Variants in SEMA6A observed in about 807,000 individuals in gnomAD.
The protein encoded by SEMA6A is semaphorin-6A.
SEMA6A carries 25 observed loss-of-function variants against 96.8 expected under a neutral mutation model. The ratio of observed to expected loss-of-function variants is 0.26; its 90% CI spans 0.19 to 0.36. SEMA6A has a LOEUF of 0.36. SEMA6A is among the 10% of genes least tolerant of loss of function. SEMA6A has a pLI of 1.00. For synonymous variants in SEMA6A, 612 were observed against 518.0 expected (o/e 1.18, Z -2.46); for missense variants, 1,363 against 1,323.1 (o/e 1.03, Z -0.47).
chr5:116,543,848 C>G (rs997879743), intron 1 of SEMA6A, among the ~76,000 whole-genome samples: 3 of 152,202 alleles, frequency 2.0e-5, no homozygotes, highest in Non-Finnish European at 4.4e-5. Flanking sequence ...TAAATTGATG[C>G]CAAAACTAGC....
intron 6 of SEMA6A, among the ~76,000 whole-genome samples, chr5:116,493,408 CCT>C (rs1156456052): frequency 1.3e-5 from 2 of 152,130 alleles, no homozygotes; most frequent in Non-Finnish European, 2.9e-5. Flanking sequence ...AGACTGGCTA[CCT>C]CTATTATAAA....
intron 1 of SEMA6A, among the ~76,000 whole-genome samples, chr5:116,519,045 A>ATG (rs1266204225): frequency 6.6e-6 from 1 of 152,188 alleles, no homozygotes; most frequent in East Asian, 1.9e-4. Flanking sequence ...GAATAGGCAG[A>ATG]TGTGTTCTTC....
At chr5:116,560,206 T>A (rs1251357897) in intron 1 of SEMA6A, among the ~76,000 whole-genome samples, 2 of 152,188 alleles carry the variant, frequency 1.3e-5, no homozygotes, top group African/African-American at 2.4e-5. Flanking sequence ...CAGCCTGACC[T>A]CCCAGCTGGA....
chr5:116,496,207 C>A, intron 5 of SEMA6A, 44 bp downstream of exon 5: 1 of 1,551,394 alleles, frequency 6.4e-7, no homozygotes, highest in Non-Finnish European at 8.9e-7. Context: ...CAGTCAAAAA[C>A]TTAACCCAAA....
chr5:116,487,422 A>C (rs1054507504), intron 9 of SEMA6A, among the ~76,000 whole-genome samples: 6 of 152,048 alleles, frequency 3.9e-5, no homozygotes, highest in African/African-American at 1.4e-4. Context: ...ACATCCCCTA[A>C]GTGTTGTATA....
At chr5:116,531,441 A>G (rs1282811912) in intron 1 of SEMA6A, among the ~76,000 whole-genome samples, 1 of 152,092 alleles carries the variant, frequency 6.6e-6, no homozygotes, top group Non-Finnish European at 1.5e-5. Flanking sequence ...TACCTTGTGT[A>G]AAGGCCCTCC....
At chr5:116,537,799 C>CA (rs149903384) in intron 1 of SEMA6A, among the ~76,000 whole-genome samples, 1,633 of 152,220 alleles carry the variant, frequency 0.011, 30 homozygotes, top group African/African-American at 0.037. Flanking sequence ...TATAAGTATG[C>CA]AAGTAAGCAT....
Position 116,480,143 on chromosome 5 carries a change from C to A in SEMA6A, c.1229G>T (p.Trp410Leu). Residue 410 changes from tryptophan to leucine, a missense_variant, in exon 12 of 19, where the codon TGG becomes TTG. Physicochemically the swap from Trp to Leu is moderately conservative, Grantham distance 61. Coordinates refer to ENST00000343348, the MANE Select transcript of SEMA6A (RefSeq NM_020796.5). ...EAVPSIFNRP[W>L]FLRTMVRYRL... is the part of the protein sequence containing the mutation. The stretch of plus-strand genomic sequence containing the variant: ...CCACCTGACCATTGTTCTCAGGAAC[C>A]ATGGCCTGTTGAAGATGGAGGGCAC... The A allele has an allele frequency of 6.2e-7, 1 of 1,613,768 alleles. No individual in the cohort carries two copies. The highest frequency in any genetic ancestry group is 8.5e-7 in the Non-Finnish European group (1 of 1,179,770).
chr5:116,451,004 G>A (rs1392660573), intron 18 of SEMA6A, among the ~76,000 whole-genome samples: 3 of 152,182 alleles, frequency 2.0e-5, no homozygotes, highest in Admixed American at 2.0e-4. Flanking sequence ...CTTGGAAACA[G>A]CAGACTTGTC....
intron 1 of SEMA6A, among the ~76,000 whole-genome samples, chr5:116,546,216 GCAAGTAC>G (rs1760178604): frequency 6.6e-6 from 1 of 152,172 alleles, no homozygotes; most frequent in East Asian, 1.9e-4. Context: ...GGGCTCTTAC[GCAAGTAC>G]TGGCTTCCTA....
chr5:116,490,851 A>G (rs950921402), intron 7 of SEMA6A, among the ~76,000 whole-genome samples: 4 of 152,148 alleles, frequency 2.6e-5, no homozygotes, highest in East Asian at 1.9e-4. Context: ...TATTATACCA[A>G]CACTTCTCTT....
chr5:116,545,213 C>T (rs147800375), intron 1 of SEMA6A, among the ~76,000 whole-genome samples: 12 of 152,152 alleles, frequency 7.9e-5, no homozygotes, highest in Non-Finnish European at 1.3e-4. Context: ...TTAGATTGTG[C>T]GGTCTGGCTC....
intron 1 of SEMA6A, among the ~76,000 whole-genome samples, chr5:116,519,389 A>T (rs894554584): frequency 1.3e-4 from 20 of 152,228 alleles, no homozygotes; most frequent in African/African-American, 4.6e-4. Flanking sequence ...GAGATGTGAG[A>T]AAATATCGTA....
At chr5:116,514,994 G>A (rs1387572346) in intron 1 of SEMA6A, among the ~76,000 whole-genome samples, 1 of 152,216 alleles carries the variant, frequency 6.6e-6, no homozygotes, top group South Asian at 2.1e-4. Flanking sequence ...CACCTGGAAA[G>A]TGAAGATGTT....
intron 3 of SEMA6A, 114 bp from the exon 4 acceptor site, chr5:116,497,501 A>C (rs1348205728): frequency 5.2e-6 from 3 of 581,996 alleles, no homozygotes; most frequent in Non-Finnish European, 9.0e-6. Context: ...TGTTCATGAT[A>C]TCCACATGCA....
chr5:116,523,604 A>T (rs954920179), intron 1 of SEMA6A, among the ~76,000 whole-genome samples: 2 of 152,106 alleles, frequency 1.3e-5, no homozygotes, highest in South Asian at 2.1e-4. Flanking sequence ...GAGCCACTGC[A>T]CCCGGCCTAG....
chr5:116,559,123 T>C (rs1309683680), intron 1 of SEMA6A, among the ~76,000 whole-genome samples: 1 of 152,198 alleles, frequency 6.6e-6, no homozygotes, highest in Non-Finnish European at 1.5e-5. Context: ...CACCTCATAT[T>C]ATGGTATGAA....
chr5:116,513,134 T>C (rs978616719), intron 1 of SEMA6A, among the ~76,000 whole-genome samples: 5 of 151,870 alleles, frequency 3.3e-5, no homozygotes, highest in Non-Finnish European at 7.4e-5. Context: ...CTATCTTTTT[T>C]TTTTTCCCCC....
chr5:116,473,137 T>A (rs1176021265), intron 16 of SEMA6A, 44 bp from the exon 17 acceptor site: 2 of 1,571,488 alleles, frequency 1.3e-6, no homozygotes, highest in South Asian at 2.3e-5. Flanking sequence ...TGTTTTACGC[T>A]CTGCTTGGGG....
Sources: gnomAD v4.1 joint callset for allele counts (sites outside exome capture counted in the v4.1 genomes callset) on GRCh38, gnomAD v4.1.1 for gene constraint, MANE v1.5 for transcripts, NCBI Gene and HGNC (gene_info 2026-07-23, HGNC 2026-07-21) for gene names.